The following ASIC2 variants were observed in gnomAD, a reference collection of about 807,000 sequenced individuals.
ASIC2 encodes the protein acid sensing ion channel subunit 2.
In ASIC2, 25 loss-of-function variants were observed where a neutral mutation model predicts 57.3. The ratio of observed to expected loss-of-function variants is 0.44; its 90% CI spans 0.32 to 0.61. The LOEUF (loss-of-function observed/expected upper bound fraction) is 0.61. Ranked by LOEUF, ASIC2 falls within the 20% of genes least tolerant of loss-of-function variation. The pLI, the probability that ASIC2 is intolerant of heterozygous loss-of-function variation, is 0.06. For missense variants in ASIC2, 641 were observed against 738.1 expected (o/e 0.87, Z 1.52); for synonymous variants, 319 against 307.5 (o/e 1.04, Z -0.39).
chr17:33,537,941 T>C (rs987605225), intron 1 of ASIC2, among the ~76,000 whole-genome samples: 3 of 152,190 alleles, frequency 2.0e-5, no homozygotes, highest in Non-Finnish European at 2.9e-5. Flanking sequence ...CTAATCCCTA[T>C]CTATAACTTT....
intron 1 of ASIC2, among the ~76,000 whole-genome samples, chr17:33,237,551 T>A (rs1262645616): frequency 6.6e-6 from 1 of 152,066 alleles, no homozygotes; most frequent in Non-Finnish European, 1.5e-5. Context: ...GGTTTCTCCA[T>A]GTTGGTCAGG....
chr17:34,121,386 C>T (rs1047502790), intron 1 of ASIC2, among the ~76,000 whole-genome samples: 2 of 152,140 alleles, frequency 1.3e-5, no homozygotes, highest in Non-Finnish European at 2.9e-5. Flanking sequence ...CCTGTCAACC[C>T]CACAACCACC....
intron 1 of ASIC2, chr17:34,000,709 T>C (rs1302113935): frequency 6.6e-6 from 1 of 152,252 alleles, no homozygotes; most frequent in Non-Finnish European, 1.5e-5. Flanking sequence ...ACTCCTATAA[T>C]GCAAATATTG....
chr17:33,757,569 C>T (rs967493199), intron 1 of ASIC2, among the ~76,000 whole-genome samples: 1 of 152,188 alleles, frequency 6.6e-6, no homozygotes, highest in African/African-American at 2.4e-5. Flanking sequence ...TAAGTCCAAA[C>T]AGGAGGTGGG....
At chr17:33,232,580 G>A (rs1255555588) in intron 1 of ASIC2, among the ~76,000 whole-genome samples, 4 of 152,048 alleles carry the variant, frequency 2.6e-5, no homozygotes, top group Non-Finnish European at 4.4e-5. Context: ...ACTTTGTTTT[G>A]TATTTGTGCT....
chr17:34,134,766 G>A (rs990275774), intron 1 of ASIC2, among the ~76,000 whole-genome samples: 1 of 152,154 alleles, frequency 6.6e-6, no homozygotes, highest in African/African-American at 2.4e-5. Context: ...CTCTGCTTAT[G>A]ACCACTCTCG....
chr17:34,141,613 G>A (rs1044602017), intron 1 of ASIC2, among the ~76,000 whole-genome samples: 3 of 152,176 alleles, frequency 2.0e-5, no homozygotes, highest in Non-Finnish European at 4.4e-5. Context: ...TAGAACATAG[G>A]GAACATCAGT....
chr17:33,611,301 C>G (rs908670455), intron 1 of ASIC2, among the ~76,000 whole-genome samples: 1 of 152,200 alleles, frequency 6.6e-6, no homozygotes, highest in Non-Finnish European at 1.5e-5. Flanking sequence ...AACCTGGGCT[C>G]TGATCTATGT....
At chr17:34,126,608 ACT>A (rs1416318142) in intron 1 of ASIC2, among the ~76,000 whole-genome samples, 2 of 152,088 alleles carry the variant, frequency 1.3e-5, no homozygotes, top group African/African-American at 4.8e-5. Context: ...CCTCTCATCC[ACT>A]GTCAGGACAG....
chr17:33,519,949 T>A (rs1318835408), intron 1 of ASIC2, among the ~76,000 whole-genome samples: 1 of 152,200 alleles, frequency 6.6e-6, no homozygotes, highest in Non-Finnish European at 1.5e-5. Context: ...GAACATTTTT[T>A]ATGCTTCAGA....
intron 1 of ASIC2, among the ~76,000 whole-genome samples, chr17:33,957,816 C>A (rs773298754): frequency 1.3e-5 from 2 of 152,176 alleles, no homozygotes; most frequent in Non-Finnish European, 1.5e-5. Context: ...AAAGTCTTAA[C>A]TTATTTCAGC....
intron 1 of ASIC2, among the ~76,000 whole-genome samples, chr17:33,950,419 T>C (rs1904522371): frequency 6.6e-6 from 1 of 152,200 alleles, no homozygotes. Flanking sequence ...TCAGCCAATA[T>C]CGAGACAAAG....
chr17:33,628,850 G>C (rs944395803), intron 1 of ASIC2, among the ~76,000 whole-genome samples: 1 of 152,182 alleles, frequency 6.6e-6, no homozygotes, highest in East Asian at 1.9e-4. Context: ...TCTAGCAAGA[G>C]ACCAGTCTGG....
chr17:33,794,143 A>G (rs932205637), intron 1 of ASIC2: 5 of 152,144 alleles, frequency 3.3e-5, no homozygotes, highest in Non-Finnish European at 5.9e-5. Flanking sequence ...AGGAGCCCCA[A>G]TTTGCAGGAC....
chr17:33,980,590 T>C (rs933415832), intron 1 of ASIC2, among the ~76,000 whole-genome samples: 1 of 152,190 alleles, frequency 6.6e-6, no homozygotes. Context: ...TGCTGTGATG[T>C]GCTTCCCAGG....
chr17:33,251,276 A>C (rs1307842723), intron 1 of ASIC2, among the ~76,000 whole-genome samples: 1 of 152,220 alleles, frequency 6.6e-6, no homozygotes, highest in Non-Finnish European at 1.5e-5. Flanking sequence ...TAGGGCAGGA[A>C]AGAGTGAAAA....
chr17:33,602,262 C>T (rs925362309), intron 1 of ASIC2, among the ~76,000 whole-genome samples: 50 of 152,176 alleles, frequency 3.3e-4, no homozygotes, highest in African/African-American at 9.4e-4. Flanking sequence ...AATGTGTCCC[C>T]CAAAGTTCCT....
chr17:34,050,141 G>C (rs750245354), intron 1 of ASIC2, among the ~76,000 whole-genome samples: 1 of 152,174 alleles, frequency 6.6e-6, no homozygotes, highest in Non-Finnish European at 1.5e-5. Context: ...TGAACCTTGG[G>C]AGGCAAAGAA....
chr17:33,218,318 G>T (rs985343845), intron 1 of ASIC2, among the ~76,000 whole-genome samples: 4 of 152,142 alleles, frequency 2.6e-5, no homozygotes, highest in Admixed American at 2.6e-4. Flanking sequence ...AGAGAATTGG[G>T]CTCGACATGT....
Sources: gnomAD v4.1 joint callset for allele counts (sites outside exome capture counted in the v4.1 genomes callset) on GRCh38, gnomAD v4.1.1 for gene constraint, MANE v1.5 for transcripts, NCBI Gene and HGNC (gene_info 2026-07-23, HGNC 2026-07-21) for gene names.